Variants in SLC16A2 observed in about 807,000 individuals in gnomAD.
SLC16A2 encodes solute carrier family 16 member 2, also known as monocarboxylate transporter 8.
Under a neutral mutation model 27.2 loss-of-function variants are expected in SLC16A2, and 3 were observed. That is an observed-to-expected ratio of 0.11 (90% confidence interval 0.05 to 0.28). SLC16A2 has a LOEUF of 0.28. SLC16A2 is among the 10% of genes least tolerant of loss of function. The pLI, the probability that SLC16A2 is intolerant of heterozygous loss-of-function variation, is 1.00. For missense variants in SLC16A2, 295 were observed against 458.5 expected (o/e 0.64, Z 3.26); for synonymous variants, 202 against 187.8 (o/e 1.08, Z -0.62).
chrX:74,451,705 C>A (rs773005933), intron 1 of SLC16A2, among the ~76,000 whole-genome samples: 32 of 112,895 alleles, frequency 2.8e-4, no homozygotes, highest in Non-Finnish European at 5.6e-4. Context: ...GAAGTGTGTA[C>A]ATGAGGGAAA....
intron 1 of SLC16A2, among the ~76,000 whole-genome samples, chrX:74,437,725 G>A (rs1278733156): frequency 8.9e-6 from 1 of 111,973 alleles, no homozygotes; most frequent in African/African-American, 3.3e-5. Flanking sequence ...GGTGAAACCG[G>A]TCAGACCAGA....
intron 1 of SLC16A2, among the ~76,000 whole-genome samples, chrX:74,480,450 C>G (rs1042792796): frequency 7.0e-4 from 79 of 112,585 alleles, no homozygotes; most frequent in African/African-American, 2.5e-3. Context: ...CAAAGCCTCG[C>G]CCGGCTTTGG....
chrX:74,473,788 G>T, intron 1 of SLC16A2: 1 of 606,545 alleles, frequency 1.6e-6, no homozygotes, highest in East Asian at 3.3e-5. Context: ...AGCCCCTGGA[G>T]GGCTTGGTGT....
At chrX:74,433,220 A>C (rs1327187203) in intron 1 of SLC16A2, among the ~76,000 whole-genome samples, 1 of 110,425 alleles carries the variant, frequency 9.1e-6, no homozygotes, top group African/African-American at 3.3e-5. Flanking sequence ...AAAAATATAA[A>C]AATTAGCTGG....
intron 1 of SLC16A2, among the ~76,000 whole-genome samples, chrX:74,468,544 C>G (rs1929293855): frequency 8.9e-6 from 1 of 111,905 alleles, no homozygotes; most frequent in African/African-American, 3.2e-5. Context: ...GTTGTTTCTA[C>G]TTTTTGGCTA....
At chrX:74,483,486 T>C (rs1432340661) in intron 1 of SLC16A2, among the ~76,000 whole-genome samples, 1 of 111,287 alleles carries the variant, frequency 9.0e-6, no homozygotes, top group Non-Finnish European at 1.9e-5. Context: ...GTGCTTCTGG[T>C]GCCCTCTTGA....
At chrX:74,494,137 G>A (rs1231514707) in intron 1 of SLC16A2, among the ~76,000 whole-genome samples, 2 of 112,367 alleles carry the variant, frequency 1.8e-5, no homozygotes, top group African/African-American at 6.5e-5. Context: ...CGGCAATACT[G>A]CTGGTGCTCA....
In SLC16A2 at chrX:74,425,027, TTTTATTTA is replaced by T. The variant is rs748909387; in HGVS notation, c.430+2977_430+2984del. Among the ~76,000 whole-genome samples, 78 of 111,389 alleles carry T rather than the reference TTTTATTTA, an allele frequency of 7.0e-4. No homozygotes were observed. The East Asian group carries it at 0.017, about 24-fold the overall frequency. ...GCATGCGCCACCACACCTGGCTAAT[TTTTATTTA>T]TTTATTTATTTATTTAAAAACAGAC... On this transcript the variant is annotated intron_variant, in intron 1 of 5. Transcript: ENST00000587091.
chrX:74,501,331 G>A (rs942005337), intron 1 of SLC16A2, among the ~76,000 whole-genome samples: 6 of 111,427 alleles, frequency 5.4e-5, no homozygotes, highest in African/African-American at 2.0e-4. Context: ...GCCCAGAACA[G>A]TTTGGCCTCT....
chrX:74,455,838 A>T, intron 1 of SLC16A2, among the ~76,000 whole-genome samples: 1 of 111,632 alleles, frequency 9.0e-6, no homozygotes, highest in Non-Finnish European at 1.9e-5. Context: ...ACCTATTCAC[A>T]AAGTCCATGA....
intron 1 of SLC16A2, among the ~76,000 whole-genome samples, chrX:74,494,401 A>G (rs995028392): frequency 9.9e-5 from 11 of 111,278 alleles, no homozygotes; most frequent in Non-Finnish European, 2.1e-4. Context: ...TAAGTATTTC[A>G]ATATGGAGCT....
chrX:74,531,662 A>G lies in SLC16A2; in HGVS notation c.*109A>G, dbSNP rs1930571701. 1.7e-6 allele frequency: 1 copy of G among 584,623 alleles called. No individual in the cohort carries two copies. Among genetic ancestry groups the G allele is most frequent in the African/African-American group, 2.2e-5 (1 of 44,834 alleles). The allele number at this position is 584,623 out of a possible 1,213,427, so 48.2% of individuals were successfully genotyped here. A position where few individuals can be genotyped will look rare whatever the true frequency, so the allele number is the denominator to read the frequency against. Reference sequence around the variant, plus strand: ...CACTTGTTCCCAGACCTGCGCACACAGCATTTCAGCCACCTGACAATCTCC... The same window carrying G: ...CACTTGTTCCCAGACCTGCGCACACGGCATTTCAGCCACCTGACAATCTCC... On this transcript the variant is annotated 3_prime_UTR_variant, in exon 6 of 6. Coordinates refer to ENST00000587091, the MANE Select transcript of SLC16A2 (RefSeq NM_006517.5).
chrX:74,514,318 A>G (rs1181142353), intron 1 of SLC16A2, among the ~76,000 whole-genome samples: 1 of 110,414 alleles, frequency 9.1e-6, no homozygotes, highest in African/African-American at 3.3e-5. Context: ...GGGGCAGCCT[A>G]GCAAAACAAA....
intron 1 of SLC16A2, among the ~76,000 whole-genome samples, chrX:74,438,302 G>T (rs1928662500): frequency 8.9e-6 from 1 of 112,726 alleles, no homozygotes; most frequent in Admixed American, 9.4e-5. Flanking sequence ...TTACGATAAG[G>T]TTCAAATGAA....
chrX:74,517,584 C>G (rs2081883063), intron 1 of SLC16A2, among the ~76,000 whole-genome samples: 1 of 111,749 alleles, frequency 8.9e-6, no homozygotes, highest in African/African-American at 3.3e-5. Flanking sequence ...GCCTTCTCCC[C>G]ACCTTTAAAA....
intron 1 of SLC16A2, among the ~76,000 whole-genome samples, chrX:74,469,747 C>G (rs887330336): frequency 9.0e-6 from 1 of 110,806 alleles, no homozygotes; most frequent in African/African-American, 3.3e-5. Context: ...CCCCCTACCC[C>G]CCAGCATGCA....
intron 1 of SLC16A2, among the ~76,000 whole-genome samples, chrX:74,438,972 T>C (rs765060126): frequency 9.0e-6 from 1 of 111,523 alleles, no homozygotes; most frequent in Admixed American, 9.5e-5. Flanking sequence ...GCTGACAGCA[T>C]TTTCAGACTT....
Position 74,503,753 on chromosome X carries a change from G to T in SLC16A2, c.431-17237G>T, listed in dbSNP as rs777406282. ...CCTCAATTTCTTTCTTTGCAAAATA[G>T]GGTACATATAGCATAATAGCTAAGA... On this transcript the variant is annotated intron_variant, in intron 1 of 5. Transcript: ENST00000587091. 2.6e-4 allele frequency among the ~76,000 whole-genome samples: 29 copies of T among 111,929 alleles called. No homozygotes were observed. In the South Asian group the frequency reaches 0.01, roughly 41 times the overall value.
chrX:74,472,024 C>CACAT (rs1225811296), intron 1 of SLC16A2, among the ~76,000 whole-genome samples: 5 of 112,056 alleles, frequency 4.5e-5, no homozygotes, highest in African/African-American at 1.6e-4. Context: ...TGTATATACA[C>CACAT]ACATACATAC....
Sources: allele counts gnomAD v4.1 joint callset (sites outside exome capture counted in the v4.1 genomes callset), GRCh38; gene constraint gnomAD v4.1.1; transcripts MANE v1.5; gene names NCBI Gene and HGNC (gene_info 2026-07-23, HGNC 2026-07-21).